Variants in SHANK2 observed in about 807,000 individuals in gnomAD.
SHANK2 encodes the protein SH3 and multiple ankyrin repeat domains 2, also known as SH3 and multiple ankyrin repeat domains protein 2.
Under a neutral mutation model 133.7 loss-of-function variants are expected in SHANK2, and 43 were observed. The ratio of observed to expected loss-of-function variants is 0.32; its 90% CI spans 0.25 to 0.41. The LOEUF (loss-of-function observed/expected upper bound fraction) is 0.41, where lower values mean the gene tolerates loss of function less well. SHANK2 is among the 10% of genes least tolerant of loss of function. SHANK2 has a pLI of 1.00. For synonymous variants in SHANK2, 1,017 were observed against 952.8 expected, an observed-to-expected ratio of 1.07 and a Z score of -1.24; for missense variants, 1,994 against 2,235.8, an observed-to-expected ratio of 0.89 and a Z score of 2.18.
chr11:70,763,930 G>A (rs1359579960), intron 14 of SHANK2, among the ~76,000 whole-genome samples: 1 of 152,184 alleles, frequency 6.6e-6, no homozygotes, highest in Non-Finnish European at 1.5e-5. Flanking sequence ...AGGGTGGAAT[G>A]TATGAAAGTT....
chr11:71,182,914 C>A (rs1407715230), intron 2 of SHANK2, among the ~76,000 whole-genome samples: 1 of 152,190 alleles, frequency 6.6e-6, no homozygotes, highest in Non-Finnish European at 1.5e-5. Context: ...TGCCTCTCTG[C>A]ATCACAGTGT....
Position 70,843,922 on chromosome 11 carries a change from G to A in SHANK2, c.1175-23240C>T, listed in dbSNP as rs893968418. Among the ~76,000 whole-genome samples the A allele has an allele frequency of 3.9e-5, 6 of 152,186 alleles. No homozygotes were observed. In the South Asian group the frequency reaches 6.2e-4, roughly 16 times the overall value. ...GCCTGTGAATGCCATCTCCTTGGGT[G>A]GGTGGCCATACCATCTTCATCTTCC... On this transcript the variant is annotated intron_variant, in intron 11 of 25. Coordinates refer to ENST00000601538, the MANE Select transcript of SHANK2 (RefSeq NM_012309.5).
chr11:71,110,404 C>T (rs1951875097), intron 5 of SHANK2, among the ~76,000 whole-genome samples: 2 of 152,190 alleles, frequency 1.3e-5, no homozygotes, highest in African/African-American at 4.8e-5. Context: ...CGCCACTGCA[C>T]TCCAGCCTGG....
At chr11:70,877,205 T>C (rs2135564889) in intron 11 of SHANK2, among the ~76,000 whole-genome samples, 1 of 152,364 alleles carries the variant, frequency 6.6e-6, no homozygotes, top group South Asian at 2.1e-4. Flanking sequence ...ACATGTAATT[T>C]GTGCCCCGCT....
chr11:71,190,579 C>A (rs1356814302), intron 2 of SHANK2, among the ~76,000 whole-genome samples: 1 of 152,356 alleles, frequency 6.6e-6, no homozygotes, highest in Middle Eastern at 3.4e-3. Context: ...GCGTCACCAC[C>A]CACCAAGGCA....
intron 2 of SHANK2, among the ~76,000 whole-genome samples, chr11:71,223,826 G>C (rs1328613269): frequency 6.6e-6 from 1 of 152,216 alleles, no homozygotes; most frequent in African/African-American, 2.4e-5. Context: ...TGACGGAGAG[G>C]AACTGGAAGC....
At chr11:71,186,735 T>G (rs1044905426) in intron 2 of SHANK2, among the ~76,000 whole-genome samples, 3 of 152,244 alleles carry the variant, frequency 2.0e-5, no homozygotes, top group African/African-American at 7.2e-5. Flanking sequence ...TTCGGGTTAG[T>G]GGCACATTAT....
intron 10 of SHANK2, among the ~76,000 whole-genome samples, chr11:70,922,898 TAAACAAACAAAC>T (rs201296550): frequency 4.6e-5 from 7 of 151,618 alleles, no homozygotes; most frequent in Admixed American, 6.6e-5. Context: ...CCCTATACTT[TAAACAAACAAAC>T]AAACAAACAA....
intron 13 of SHANK2, among the ~76,000 whole-genome samples, chr11:70,799,513 G>A (rs1402421407): frequency 6.6e-6 from 1 of 152,232 alleles, no homozygotes; most frequent in East Asian, 1.9e-4. Flanking sequence ...GGAAGAAACT[G>A]CACTAAAAAC....
At chr11:70,910,705 G>T (rs1555078802) in intron 10 of SHANK2, among the ~76,000 whole-genome samples, 1 of 152,066 alleles carries the variant, frequency 6.6e-6, no homozygotes, top group Admixed American at 6.5e-5. Context: ...CTCTTGGGAG[G>T]CTGAGGAAGC....
At chr11:70,868,458 A>C (rs558935930) in intron 11 of SHANK2, among the ~76,000 whole-genome samples, 48 of 152,368 alleles carry the variant, frequency 3.2e-4, no homozygotes, top group African/African-American at 1.1e-3. Flanking sequence ...CTAGCTGGGC[A>C]CGAGGCTATT....
intron 23 of SHANK2, chr11:70,490,073 G>GT (rs2058864195): frequency 1.8e-6 from 1 of 566,970 alleles, no homozygotes. Context: ...GGGGGGATGA[G>GT]TTTCATGCCA....
intron 8 of SHANK2, among the ~76,000 whole-genome samples, chr11:71,079,379 C>T (rs959633100): frequency 2.0e-5 from 3 of 152,328 alleles, no homozygotes; most frequent in Admixed American, 6.5e-5. Context: ...ATGTGCTCTC[C>T]GCGTGGAGGG....
chr11:71,146,829 G>C (rs1289542117), intron 3 of SHANK2, among the ~76,000 whole-genome samples: 1 of 152,176 alleles, frequency 6.6e-6, no homozygotes, highest in Non-Finnish European at 1.5e-5. Context: ...TCCACCTCTG[G>C]GACTCTTGCT....
At chr11:71,082,328 G>A (rs1312078679) in intron 8 of SHANK2, among the ~76,000 whole-genome samples, 1 of 152,212 alleles carries the variant, frequency 6.6e-6, no homozygotes, top group African/African-American at 2.4e-5. Context: ...TCATCTCAGT[G>A]CCTAGGCAAT....
chr11:71,182,978 T>C (rs1260312419), intron 2 of SHANK2, among the ~76,000 whole-genome samples: 1 of 152,220 alleles, frequency 6.6e-6, no homozygotes, highest in Non-Finnish European at 1.5e-5. Flanking sequence ...TGTCTAGTGC[T>C]ACTGGTGTGA....
At chr11:70,702,520 T>C (rs1297682973) in intron 14 of SHANK2, among the ~76,000 whole-genome samples, 2 of 151,620 alleles carry the variant, frequency 1.3e-5, no homozygotes, top group Non-Finnish European at 2.9e-5. Flanking sequence ...ACCATCCTCT[T>C]CTTCACCAGC....
At position 71,177,046 on chromosome 11, in the gene SHANK2, G is replaced by C. The variant is rs1590990541; in HGVS notation, c.-12-29708C>G. ...TTCTTGATGGAAATGATTCAAGTGA[G>C]CAGACAGTGGACTGGCATCTTTAAA... On this transcript the variant is annotated intron_variant, in intron 2 of 25. Coordinates refer to ENST00000601538, the MANE Select transcript of SHANK2 (RefSeq NM_012309.5). Among the ~76,000 whole-genome samples, 4 of 152,310 alleles carry C rather than the reference G, an allele frequency of 2.6e-5. No individual in the cohort carries two copies. In the South Asian group the frequency reaches 8.3e-4, roughly 32 times the overall value.
chr11:70,799,987 G>A (rs1490029847), intron 13 of SHANK2, among the ~76,000 whole-genome samples: 1 of 152,144 alleles, frequency 6.6e-6, no homozygotes, highest in African/African-American at 2.4e-5. Context: ...AAAGCTTGCA[G>A]TGGCAAAGTG....
Sources: gnomAD v4.1 joint callset for allele counts (sites outside exome capture counted in the v4.1 genomes callset) on GRCh38, gnomAD v4.1.1 for gene constraint, MANE v1.5 for transcripts, NCBI Gene and HGNC (gene_info 2026-07-23, HGNC 2026-07-21) for gene names.